The following ANAPC16 variants were observed in gnomAD, a reference collection of about 807,000 sequenced individuals.
ANAPC16 encodes the protein anaphase promoting complex subunit 16.
In ANAPC16, 6 loss-of-function variants were observed where a neutral mutation model predicts 13.1. The ratio of observed to expected loss-of-function variants is 0.46; its 90% CI spans 0.25 to 0.90. The LOEUF (loss-of-function observed/expected upper bound fraction) is 0.90, where lower values mean the gene tolerates loss of function less well. ANAPC16 is among the 40% of genes least tolerant of loss of function. The pLI is 0.18. For missense variants in ANAPC16, 113 were observed against 131.1 expected (o/e 0.86, Z 0.67); for synonymous variants, 55 against 51.3 (o/e 1.07, Z -0.31).
chr10:72,230,605 AAGGT>A (rs1201604165), intron 3 of ANAPC16, among the ~76,000 whole-genome samples, 165 bp downstream of exon 3: 2 of 152,220 alleles, frequency 1.3e-5, no homozygotes, highest in African/African-American at 4.8e-5. Context: ...ATTGAGGCTT[AAGGT>A]TGGGGCCGAG....
intron 3 of ANAPC16, 27 bp from the exon 4 acceptor site, chr10:72,232,974 T>C: frequency 6.3e-7 from 1 of 1,583,122 alleles, no homozygotes; most frequent in Non-Finnish European, 8.7e-7. Flanking sequence ...CGTTGTTGCA[T>C]AATATTCTTT....
At chr10:72,229,596 C>G (rs1479912751) in intron 2 of ANAPC16, among the ~76,000 whole-genome samples, 9 of 152,108 alleles carry the variant, frequency 5.9e-5, no homozygotes, top group Admixed American at 5.3e-4. Context: ...TTTTAAAAAT[C>G]AAATGTTTCT....
At chr10:72,216,477 CCCG>C (rs1288570850) in intron 1 of ANAPC16, among the ~76,000 whole-genome samples, 2 of 5,140 alleles carry the variant, frequency 3.9e-4, no homozygotes, top group African/African-American at 1.6e-3. Flanking sequence ...CCGCCCCGTT[CCCG>C]CCCCCCCCCC....
chr10:72,222,708 C>T (rs1293545454), intron 1 of ANAPC16, among the ~76,000 whole-genome samples: 4 of 152,238 alleles, frequency 2.6e-5, no homozygotes, highest in East Asian at 1.9e-4. Flanking sequence ...ACCTAGGAGA[C>T]GGAGGTTGCG....
rs1427899995 is a variant in ANAPC16 at position 72,230,515 on chromosome 10, C to A, written c.217+75C>A. On this transcript the variant is annotated intron_variant, in intron 3 of 3. Coordinates refer to ENST00000299381, the MANE Select transcript of ANAPC16 (RefSeq NM_173473.4). ...GGGTGGATGAGGCTGTGACAAAAAT[C>A]CCCAAACTCAGCAAGGCTATTTTAG... 3.9e-5 allele frequency: 49 copies of A among 1,271,494 alleles called. No homozygotes were observed. The East Asian group carries it at 1.1e-3, about 30-fold the overall frequency. 78.8% of individuals were successfully genotyped at this position (1,271,494 alleles called of 1,614,324 possible). A position where few individuals can be genotyped will look rare whatever the true frequency, so the allele number is the denominator to read the frequency against.
rs9275 is a variant in ANAPC16 at position 72,233,104 on chromosome 10, C to G, written c.321C>G (p.Pro107=). Residue 107 remains proline (P), a synonymous_variant, in exon 4 of 4, where the codon CCC becomes CCG. Transcript: ENST00000299381. ...KPIEQLLGFT[P]SSG is the part of the protein sequence containing the mutation. ...TCGAGCAGCTGCTGGGATTCACCCC[C>G]TCTTCAGGTTGATACTGCCTGGATG... 0.012 allele frequency: 19,544 copies of G among 1,614,006 alleles called. 1,874 individuals are homozygous for G. In the African/African-American group the frequency reaches 0.22, roughly 18 times the overall value.
intron 2 of ANAPC16, 78 bp downstream of exon 2, chr10:72,224,134 T>C: frequency 2.9e-6 from 4 of 1,370,740 alleles, no homozygotes; most frequent in Non-Finnish European, 3.9e-6. Context: ...ATTAAGTGGA[T>C]TAAAGATGAG....
chr10:72,216,494 C>G (rs1217821913), intron 1 of ANAPC16, among the ~76,000 whole-genome samples: 3 of 125,594 alleles, frequency 2.4e-5, no homozygotes, highest in African/African-American at 8.7e-5. Context: ...CCCCCCCCCC[C>G]CGTTACAGCT....
At chr10:72,217,488 AG>A (rs1349842927) in intron 1 of ANAPC16, among the ~76,000 whole-genome samples, 2 of 151,342 alleles carry the variant, frequency 1.3e-5, no homozygotes, top group Non-Finnish European at 2.9e-5. Context: ...AAAAAAAAAA[AG>A]GAAAGTGTAA....
In ANAPC16 at chr10:72,218,145, C is replaced by CAAAAAAAAAAAAAAAAAAAAAA. The variant is rs142932037; in HGVS notation, c.-28+2028_-28+2029insAAAAAAAAAAAAAAAAAAAAAA. ...GGGCAACAAGAGTGAAACTCTGTCT[C>CAAAAAAAAAAAAAAAAAAAAAA]AAAAAAAAAAAAAAAAAAAAATATA... On this transcript the variant is annotated intron_variant, in intron 1 of 3. Transcript: ENST00000299381. Among the ~76,000 whole-genome samples the CAAAAAAAAAAAAAAAAAAAAAA allele has an allele frequency of 3.2e-4, 11 of 34,880 alleles. 3 individuals are homozygous for CAAAAAAAAAAAAAAAAAAAAAA. The highest frequency in any genetic ancestry group is 2.6e-3 in the South Asian group (2 of 778). 22.9% of individuals were successfully genotyped at this position (34,880 alleles called of 152,430 possible).
intron 1 of ANAPC16, chr10:72,217,120 A>G (rs1355015014): frequency 2.2e-6 from 1 of 450,576 alleles, no homozygotes. Context: ...TGTGCTCGGC[A>G]TTGAGGGTAG....
chr10:72,223,898 ACT>A lies in ANAPC16; in HGVS notation c.-14_-13del. ...TTTCTTTCTCTGTAGTGAAGTAAGA[ACT>A]CTGCTAGAGAGGAAATGGCTGCTTC... On this transcript the variant is annotated 5_prime_UTR_variant, in exon 2 of 4. Transcript: ENST00000299381. 1 of 1,567,222 alleles carries A rather than the reference ACT, an allele frequency of 6.4e-7. No individual in the cohort carries two copies. The highest frequency in any genetic ancestry group is 8.7e-7 in the Non-Finnish European group (1 of 1,149,100).
intron 1 of ANAPC16, among the ~76,000 whole-genome samples, chr10:72,219,828 C>T (rs1293928295): frequency 6.6e-6 from 1 of 152,208 alleles, no homozygotes; most frequent in Non-Finnish European, 1.5e-5. Flanking sequence ...CCATACCCCA[C>T]TTCACTATTA....
chr10:72,216,775 C>T (rs987722976), intron 1 of ANAPC16: 3 of 455,562 alleles, frequency 6.6e-6, no homozygotes, highest in African/African-American at 6.0e-5. Flanking sequence ...GTCCACAAAG[C>T]ATCGTTACTC....
At chr10:72,219,088 G>A (rs1376534801) in intron 1 of ANAPC16, among the ~76,000 whole-genome samples, 1 of 152,198 alleles carries the variant, frequency 6.6e-6, no homozygotes, top group African/African-American at 2.4e-5. Flanking sequence ...TTATCAGGGT[G>A]TAGGTAAAAT....
In ANAPC16 at chr10:72,233,865, G is replaced by A. The variant is rs1047496381; in HGVS notation, c.*749G>A. Reference sequence around the variant, plus strand: ...TATCCTTTCAAAATCTCAGGGATTTGGGATGAAGTGAAGAGGTCAAATTAC... The same window carrying A: ...TATCCTTTCAAAATCTCAGGGATTTAGGATGAAGTGAAGAGGTCAAATTAC... On this transcript the variant is annotated 3_prime_UTR_variant, in exon 4 of 4. Coordinates refer to ENST00000299381, the MANE Select transcript of ANAPC16 (RefSeq NM_173473.4). The A allele has an allele frequency of 6.6e-6, 1 of 152,596 alleles. No homozygotes were observed. Among genetic ancestry groups the A allele is most frequent in the African/African-American group, 2.4e-5 (1 of 41,428 alleles). The allele number at this position is 152,596 out of a possible 1,614,324, so 9.5% of individuals were successfully genotyped here. A position where few individuals can be genotyped will look rare whatever the true frequency, so the allele number is the denominator to read the frequency against.
Position 72,223,898 on chromosome 10 carries a change from A to ACT in ANAPC16, c.-14_-13dup. ...TTTCTTTCTCTGTAGTGAAGTAAGA[A>ACT]CTCTGCTAGAGAGGAAATGGCTGCT... On this transcript the variant is annotated 5_prime_UTR_variant, in exon 2 of 4. Coordinates refer to ENST00000299381, the MANE Select transcript of ANAPC16 (RefSeq NM_173473.4). 1 of 1,567,222 alleles carries ACT rather than the reference A, an allele frequency of 6.4e-7. No individual in the cohort carries two copies. Among genetic ancestry groups the ACT allele is most frequent in the Non-Finnish European group, 8.7e-7 (1 of 1,149,100 alleles).
intron 2 of ANAPC16, among the ~76,000 whole-genome samples, chr10:72,229,029 T>C (rs1860211139): frequency 6.6e-6 from 1 of 151,116 alleles, no homozygotes; most frequent in Non-Finnish European, 1.5e-5. Context: ...TCTAATTGTC[T>C]ATGCTTTCCT....
intron 1 of ANAPC16, chr10:72,216,998 C>T (rs1477994896): frequency 2.2e-6 from 1 of 455,220 alleles, no homozygotes; most frequent in South Asian, 1.5e-5. Context: ...GCTTCTCTAT[C>T]TCCTGCATGA....
Sources: allele counts gnomAD v4.1 joint callset (sites outside exome capture counted in the v4.1 genomes callset), GRCh38; gene constraint gnomAD v4.1.1; transcripts MANE v1.5; gene names NCBI Gene and HGNC (gene_info 2026-07-23, HGNC 2026-07-21).